TSHZ2: variants seen among roughly 807,000 people sequenced by gnomAD.
The protein encoded by TSHZ2 is teashirt zinc finger homeobox 2, also known as teashirt homolog 2.
Under a neutral mutation model 74.4 loss-of-function variants are expected in TSHZ2, and 21 were observed. The ratio of observed to expected loss-of-function variants is 0.28; its 90% CI spans 0.20 to 0.41. TSHZ2 has a LOEUF of 0.41. Ranked by LOEUF, TSHZ2 falls within the 10% of genes least tolerant of loss-of-function variation. The pLI is 1.00. For synonymous variants in TSHZ2, 540 were observed against 515.3 expected, an observed-to-expected ratio of 1.05 and a Z score of -0.65; for missense variants, 1,244 against 1,293.5, an observed-to-expected ratio of 0.96 and a Z score of 0.59.
chr20:53,276,656 A>G (rs1162226585), intron 2 of TSHZ2, among the ~76,000 whole-genome samples: 2 of 152,230 alleles, frequency 1.3e-5, no homozygotes, highest in Admixed American at 6.5e-5. Flanking sequence ...TTGACTGTAC[A>G]TCGCAATCAC....
chr20:53,143,401 T>A (rs1339960871), intron 1 of TSHZ2, among the ~76,000 whole-genome samples: 1 of 152,118 alleles, frequency 6.6e-6, no homozygotes, highest in Non-Finnish European at 1.5e-5. Context: ...TCACAAAAAA[T>A]AATTGTAATA....
At chr20:53,209,821 A>C (rs1334176865) in intron 1 of TSHZ2, among the ~76,000 whole-genome samples, 1 of 152,156 alleles carries the variant, frequency 6.6e-6, no homozygotes, top group Non-Finnish European at 1.5e-5. Flanking sequence ...GTGAAAACTG[A>C]ACAATGGCTT....
intron 1 of TSHZ2, among the ~76,000 whole-genome samples, chr20:53,023,613 TTTTTTG>T (rs1305212821): frequency 2.0e-5 from 1 of 50,158 alleles, no homozygotes; most frequent in African/African-American, 1.4e-4. Flanking sequence ...CTTTAACTCG[TTTTTTG>T]TTTTTTTTTT....
intron 2 of TSHZ2, among the ~76,000 whole-genome samples, chr20:53,341,803 C>T (rs913322259): frequency 1.3e-5 from 2 of 152,010 alleles, no homozygotes; most frequent in Admixed American, 6.6e-5. Context: ...CTCCACCTCC[C>T]GGGTTCAAGC....
chr20:53,378,416 CA>C (rs2145635273), intron 2 of TSHZ2, among the ~76,000 whole-genome samples: 1 of 150,922 alleles, frequency 6.6e-6, no homozygotes, highest in South Asian at 2.1e-4. Flanking sequence ...AATGACTAGC[CA>C]AGGAAAATGT....
chr20:53,118,237 G>A (rs960685108), intron 1 of TSHZ2, among the ~76,000 whole-genome samples: 30 of 152,038 alleles, frequency 2.0e-4, no homozygotes, highest in African/African-American at 6.3e-4. Flanking sequence ...GGAAGATTTA[G>A]GATAAATTTT....
intron 1 of TSHZ2, among the ~76,000 whole-genome samples, chr20:53,164,436 AAGG>A (rs1881529500): frequency 6.6e-6 from 1 of 152,082 alleles, no homozygotes; most frequent in Non-Finnish European, 1.5e-5. Flanking sequence ...AAAAAAAAAA[AAGG>A]AATATACATA....
intron 2 of TSHZ2, among the ~76,000 whole-genome samples, chr20:53,375,865 C>T (rs1981639529): frequency 6.6e-6 from 1 of 152,194 alleles, no homozygotes; most frequent in African/African-American, 2.4e-5. Context: ...GGTACTAACT[C>T]CTTTGCCAGT....
chr20:53,266,718 A>G (rs1990723043), intron 2 of TSHZ2, among the ~76,000 whole-genome samples: 1 of 151,968 alleles, frequency 6.6e-6, no homozygotes, highest in African/African-American at 2.4e-5. Flanking sequence ...ATCACAAACA[A>G]TGACACTTCT....
chr20:53,199,470 T>C (rs1988948200), intron 1 of TSHZ2, among the ~76,000 whole-genome samples: 1 of 152,018 alleles, frequency 6.6e-6, no homozygotes, highest in Non-Finnish European at 1.5e-5. Context: ...TGAGACCCCA[T>C]CTCAAAAAAA....
At chr20:53,037,679 A>G (rs1433813880) in intron 1 of TSHZ2, among the ~76,000 whole-genome samples, 1 of 152,194 alleles carries the variant, frequency 6.6e-6, no homozygotes, top group Non-Finnish European at 1.5e-5. Flanking sequence ...TGATTTGTCC[A>G]GTTGTGAATT....
chr20:53,122,336 A>G (rs1986835360), intron 1 of TSHZ2, among the ~76,000 whole-genome samples: 1 of 151,970 alleles, frequency 6.6e-6, no homozygotes, highest in Non-Finnish European at 1.5e-5. Flanking sequence ...GATTTCCTCT[A>G]TCATCAACAA....
At chr20:53,233,147 A>G (rs1989867051) in intron 1 of TSHZ2, among the ~76,000 whole-genome samples, 1 of 152,186 alleles carries the variant, frequency 6.6e-6, no homozygotes, top group Non-Finnish European at 1.5e-5. Context: ...TGTAAGATTC[A>G]CCCTAATTCC....
At position 52,973,174 on chromosome 20, in the gene TSHZ2, G is replaced by A; in HGVS notation, c.-120G>A. ...ATCGTCAGGGGGACAGAGGCCGAGTGACGTCCTAGGAGCCACCGGGCAAGA... is the reference window on the plus strand; with the variant it reads ...ATCGTCAGGGGGACAGAGGCCGAGTAACGTCCTAGGAGCCACCGGGCAAGA... On this transcript the variant is annotated 5_prime_UTR_variant, in exon 1 of 3. Coordinates refer to ENST00000371497, the MANE Select transcript of TSHZ2 (RefSeq NM_173485.6). The A allele has an allele frequency of 7.6e-7, 1 of 1,312,004 alleles. No individual in the cohort carries two copies. 81.3% of individuals were successfully genotyped at this position (1,312,004 alleles called of 1,614,324 possible).
At chr20:53,070,402 G>A (rs1206433912) in intron 1 of TSHZ2, among the ~76,000 whole-genome samples, 2 of 152,096 alleles carry the variant, frequency 1.3e-5, no homozygotes. Context: ...CTGTTTTATA[G>A]TCACAGTTTT....
intron 2 of TSHZ2, among the ~76,000 whole-genome samples, chr20:53,292,101 A>T (rs1453920420): frequency 6.6e-6 from 1 of 152,102 alleles, no homozygotes; most frequent in Non-Finnish European, 1.5e-5. Context: ...CTGGCCTATG[A>T]TGGGGAAGGT....
At chr20:53,047,703 T>C (rs146687978) in intron 1 of TSHZ2, among the ~76,000 whole-genome samples, 48 of 151,772 alleles carry the variant, frequency 3.2e-4, no homozygotes, top group African/African-American at 9.7e-4. Context: ...CCAAGCAAAA[T>C]ACAGTCACGG....
intron 1 of TSHZ2, among the ~76,000 whole-genome samples, chr20:53,199,846 A>G (rs1988957900): frequency 6.6e-6 from 1 of 152,212 alleles, no homozygotes; most frequent in Non-Finnish European, 1.5e-5. Context: ...CCACAGCCTC[A>G]GTCTTCTAAT....
intron 1 of TSHZ2, among the ~76,000 whole-genome samples, chr20:53,158,731 C>G (rs974036133): frequency 6.6e-6 from 1 of 152,142 alleles, no homozygotes; most frequent in Admixed American, 6.5e-5. Flanking sequence ...AAGGACCACC[C>G]CCTCCCCAAC....
Sources: allele counts gnomAD v4.1 joint callset (sites outside exome capture counted in the v4.1 genomes callset), GRCh38; gene constraint gnomAD v4.1.1; transcripts MANE v1.5; gene names NCBI Gene and HGNC (gene_info 2026-07-23, HGNC 2026-07-21).